The following OR2C1 variants were observed in gnomAD, a reference collection of about 807,000 sequenced individuals.
OR2C1 encodes the protein olfactory receptor family 2 subfamily C member 1, also known as olfactory receptor 2C1.
For synonymous variants in OR2C1, 209 were observed against 167.3 expected (o/e 1.25, Z -1.92); for missense variants, 468 against 388.3 (o/e 1.21, Z -1.73).
At chr16:3,323,036 A>G in the OR2C1 span, 6 of 592,492 alleles carry the variant, frequency 1.0e-5, no homozygotes, top group Middle Eastern at 1.8e-3. Context: ...AACCTAAGCT[A>G]CTGTCTTTTT....
the OR2C1 span, among the ~76,000 whole-genome samples, chr16:3,330,976 T>C: frequency 6.6e-6 from 1 of 152,318 alleles, no homozygotes; most frequent in South Asian, 2.1e-4. Flanking sequence ...ACTTCCACAA[T>C]GGTTGAACTA....
the OR2C1 span, among the ~76,000 whole-genome samples, chr16:3,336,814 T>C: frequency 6.7e-6 from 1 of 148,856 alleles, no homozygotes; most frequent in South Asian, 2.2e-4. Flanking sequence ...GTTCAAGCGA[T>C]TCTTCTTCTT....
At chr16:3,339,368 A>G in the OR2C1 span, among the ~76,000 whole-genome samples, 8 of 150,942 alleles carry the variant, frequency 5.3e-5, no homozygotes, top group Non-Finnish European at 2.9e-5. Flanking sequence ...TCTTTTGGGT[A>G]TATAACTTGG....
the OR2C1 span, among the ~76,000 whole-genome samples, chr16:3,328,515 C>G: frequency 6.6e-6 from 1 of 152,200 alleles, no homozygotes; most frequent in African/African-American, 2.4e-5. Flanking sequence ...ATGTATCAGC[C>G]TGTCAAAACT....
At chr16:3,331,543 C>T in the OR2C1 span, among the ~76,000 whole-genome samples, 1 of 150,344 alleles carries the variant, frequency 6.7e-6, no homozygotes. Context: ...AGTCTTTAAT[C>T]CATCTTGAAT....
chr16:3,354,246 A>C (rs1356941021), upstream of OR2C1, among the ~76,000 whole-genome samples: 1 of 151,716 alleles, frequency 6.6e-6, no homozygotes, highest in East Asian at 1.9e-4. Context: ...TGACCTCCCA[A>C]AGTGTTGGGA....
chr16:3,345,312 G>T, the OR2C1 span, among the ~76,000 whole-genome samples: 6 of 151,692 alleles, frequency 4.0e-5, no homozygotes, highest in African/African-American at 1.5e-4. Flanking sequence ...GTGAAACCCC[G>T]TCTCTACTAA....
chr16:3,326,770 T>A, the OR2C1 span, among the ~76,000 whole-genome samples: 1 of 152,234 alleles, frequency 6.6e-6, no homozygotes, highest in East Asian at 1.9e-4. Context: ...ATCCAGCTCT[T>A]GCTGGATGAC....
the OR2C1 span, chr16:3,323,308 A>C: frequency 2.0e-6 from 2 of 1,025,542 alleles, no homozygotes; most frequent in Admixed American, 3.4e-5. Flanking sequence ...TGGAAAGGGC[A>C]AAAGAACCAT....
the OR2C1 span, among the ~76,000 whole-genome samples, chr16:3,350,409 T>G: frequency 3.4e-5 from 5 of 148,192 alleles, no homozygotes; most frequent in Non-Finnish European, 5.9e-5. Flanking sequence ...TGTTTTTTTG[T>G]TTTTTTTGTG....
At chr16:3,329,806 G>A in the OR2C1 span, among the ~76,000 whole-genome samples, 2 of 128,626 alleles carry the variant, frequency 1.6e-5, no homozygotes, top group African/African-American at 6.1e-5. Context: ...CCAGGCTGGA[G>A]TGCAGTGGCG....
the OR2C1 span, among the ~76,000 whole-genome samples, chr16:3,334,840 C>T: frequency 6.7e-6 from 1 of 149,342 alleles, no homozygotes; most frequent in African/African-American, 2.5e-5. Context: ...TTTTTTAAGA[C>T]AGAGTCTCAC....
chr16:3,335,671 C>T, the OR2C1 span, among the ~76,000 whole-genome samples: 3 of 151,686 alleles, frequency 2.0e-5, no homozygotes, highest in African/African-American at 4.8e-5. Context: ...GGATTACAGG[C>T]GCCCACCACC....
the OR2C1 span, among the ~76,000 whole-genome samples, chr16:3,325,764 C>G: frequency 6.6e-6 from 1 of 151,208 alleles, no homozygotes; most frequent in East Asian, 1.9e-4. Flanking sequence ...ATGTTTTTCA[C>G]TATGTTTTTG....
chr16:3,329,169 G>GACATACACACACAC, the OR2C1 span, among the ~76,000 whole-genome samples: 1 of 115,150 alleles, frequency 8.7e-6, no homozygotes, highest in East Asian at 3.0e-4. Flanking sequence ...TGGGAGGGAA[G>GACATACACACACAC]ACACACACAC....
At chr16:3,349,129 G>A in the OR2C1 span, among the ~76,000 whole-genome samples, 10 of 152,054 alleles carry the variant, frequency 6.6e-5, no homozygotes, top group East Asian at 7.7e-4. Flanking sequence ...CCTCCCCCAC[G>A]TTGTATAGTG....
chr16:3,339,612 A>C, the OR2C1 span, among the ~76,000 whole-genome samples: 1 of 152,012 alleles, frequency 6.6e-6, no homozygotes, highest in Non-Finnish European at 1.5e-5. Context: ...GCCCACCACT[A>C]TGCCCGGCTA....
At chr16:3,332,127 G>A in the OR2C1 span, among the ~76,000 whole-genome samples, 1 of 150,026 alleles carries the variant, frequency 6.7e-6, no homozygotes, top group African/African-American at 2.4e-5. Flanking sequence ...CCTAATGCTA[G>A]ATGACGAGTT....
At chr16:3,327,204 A>G in the OR2C1 span, among the ~76,000 whole-genome samples, 3 of 151,938 alleles carry the variant, frequency 2.0e-5, no homozygotes, top group Non-Finnish European at 4.4e-5. Flanking sequence ...AATCACCAAC[A>G]TTTTGCCAAT....
Sources: gnomAD v4.1 joint callset for allele counts (sites outside exome capture counted in the v4.1 genomes callset) on GRCh38, gnomAD v4.1.1 for gene constraint, MANE v1.5 for transcripts, NCBI Gene and HGNC (gene_info 2026-07-23, HGNC 2026-07-21) for gene names.